The following TGIF1 variants were observed in gnomAD, a reference collection of about 807,000 sequenced individuals.
The protein encoded by TGIF1 is homeobox protein TGIF1.
A neutral mutation model predicts 19.3 loss-of-function variants in TGIF1; 4 were observed. The ratio of observed to expected loss-of-function variants is 0.21; its 90% CI spans 0.10 to 0.47. TGIF1 has a LOEUF of 0.47. TGIF1 is among the 20% of genes least tolerant of loss of function. TGIF1 has a pLI of 0.98. For missense variants in TGIF1, 275 were observed against 341.4 expected, an observed-to-expected ratio of 0.81 and a Z score of 1.53; for synonymous variants, 122 against 129.3, an observed-to-expected ratio of 0.94 and a Z score of 0.38.
rs2082936473 is a variant in TGIF1, at chr18:3,451,610, G to A, written c.16+1105G>A. 2 of 1,070,690 alleles carry A rather than the reference G, an allele frequency of 1.9e-6. No individual in the cohort carries two copies. Among genetic ancestry groups the A allele is most frequent in the East Asian group, 6.1e-5 (1 of 16,308 alleles). The allele number at this position is 1,070,690 out of a possible 1,614,324, so 66.3% of individuals were successfully genotyped here. On this transcript the variant is annotated intron_variant, in intron 1 of 2. Coordinates refer to ENST00000343820, the MANE Select transcript of TGIF1 (RefSeq NM_003244.4). This position sits in a 1 kb window ranked among gnomAD's most constrained non-coding sequence, Gnocchi z 5.4. ...GGAACTCCACATTCTTTCAGACCCG[G>A]CCCGCTGCGGGGCGTTCCTGGGGGG...
upstream of TGIF1, chr18:3,447,651 G>T: frequency 6.8e-7 from 1 of 1,463,724 alleles, no homozygotes; most frequent in African/African-American, 1.4e-5. Context: ...ATCTACGGGA[G>T]CGGTTGGGCT....
At chr18:3,423,167 G>A (rs2082427851) in intron 2 of TGIF1, among the ~76,000 whole-genome samples, 1 of 152,136 alleles carries the variant, frequency 6.6e-6, no homozygotes, top group Non-Finnish European at 1.5e-5. Context: ...GTTTGTCTGA[G>A]TACACGCCTA....
At chr18:3,447,155 GAAGAT>G (rs1045681107), upstream of TGIF1, among the ~76,000 whole-genome samples, 12 of 152,068 alleles carry the variant, frequency 7.9e-5, no homozygotes, top group African/African-American at 2.7e-4. Flanking sequence ...GGCAGCTTCA[GAAGAT>G]AAGACGCCAA....
At position 3,437,698 on chromosome 18, in the gene TGIF1, T is replaced by C. The variant is rs2082632085; in HGVS notation, c.-44-18656T>C. On this transcript the variant is annotated intron_variant, in intron 2 of 3. Transcript: ENST00000401449. Reference sequence around the variant, plus strand: ...GGGTGGTGGTTCAAAGAGATGCTTCTTGGAAACTCAGCAAAATGATGACAG... The same window carrying C: ...GGGTGGTGGTTCAAAGAGATGCTTCCTGGAAACTCAGCAAAATGATGACAG... Among the ~76,000 whole-genome samples the C allele has an allele frequency of 5.3e-5, 8 of 152,214 alleles. No individual in the cohort carries two copies. The South Asian group carries it at 1.7e-3, about 31-fold the overall frequency.
rs181740462 is a variant in TGIF1, at chr18:3,413,489, C to A, written c.-118+1235C>A. On this transcript the variant is annotated intron_variant, in intron 1 of 3. Coordinates refer to the TGIF1 transcript ENST00000401449. Reference sequence around the variant, plus strand: ...AAAATGATAGTTTCCTTTGCTTATTCGAGTTGTTATTTTTCTCTGAGTAGA... The same window carrying A: ...AAAATGATAGTTTCCTTTGCTTATTAGAGTTGTTATTTTTCTCTGAGTAGA... Among the ~76,000 whole-genome samples the A allele has an allele frequency of 3.8e-3, 576 of 152,194 alleles. 2 individuals carry two copies. The highest frequency in any genetic ancestry group is 0.014 in the Middle Eastern group (4 of 294).
At chr18:3,425,766 A>G (rs1464343729) in intron 2 of TGIF1, among the ~76,000 whole-genome samples, 1 of 152,024 alleles carries the variant, frequency 6.6e-6, no homozygotes, top group African/African-American at 2.4e-5. Context: ...TTGGGTGATG[A>G]CTGTCTCCTG....
At chr18:3,436,217 T>C (rs2082612592) in intron 2 of TGIF1, among the ~76,000 whole-genome samples, 1 of 152,222 alleles carries the variant, frequency 6.6e-6, no homozygotes, top group South Asian at 2.1e-4. Flanking sequence ...GCAACTTTTT[T>C]TATTAACTTA....
At chr18:3,427,660 C>T (rs12962006) in intron 2 of TGIF1, among the ~76,000 whole-genome samples, 15,091 of 149,978 alleles carry the variant, frequency 0.1, 942 homozygotes, top group Middle Eastern at 0.14. Context: ...AGTGCAGTGA[C>T]GGGCTCTCAG....
chr18:3,443,410 C>T (rs1293220289), intron 2 of TGIF1, among the ~76,000 whole-genome samples: 3 of 145,464 alleles, frequency 2.1e-5, no homozygotes, highest in Non-Finnish European at 4.6e-5. Context: ...GATAATAATA[C>T]TTTTTTTTTT....
At chr18:3,432,765 GTT>G (rs1170496965) in intron 2 of TGIF1, among the ~76,000 whole-genome samples, 1 of 146,080 alleles carries the variant, frequency 6.8e-6, no homozygotes, top group African/African-American at 2.5e-5. Flanking sequence ...TTTTTTGTTT[GTT>G]TTTTTTTTTG....
At chr18:3,429,051 T>C (rs377449233) in intron 2 of TGIF1, among the ~76,000 whole-genome samples, 31 of 151,460 alleles carry the variant, frequency 2.0e-4, no homozygotes, top group East Asian at 1.9e-3. Context: ...AGACTCCGTC[T>C]CCAAAAAAAA....
chr18:3,453,674 G>T (rs1319352737), intron 1 of TGIF1: 1 of 463,824 alleles, frequency 2.2e-6, no homozygotes, highest in Non-Finnish European at 2.7e-6. Flanking sequence ...TGACAAGAGC[G>T]AAACTCTGTC....
At position 3,450,644 on chromosome 18, in the gene TGIF1, T is replaced by C. The variant is rs929029140; in HGVS notation, c.16+139T>C. 1.1e-5 allele frequency: 17 copies of C among 1,509,812 alleles called. No individual in the cohort carries two copies. In the South Asian group the frequency reaches 1.9e-4, roughly 17 times the overall value. 93.5% of individuals were successfully genotyped at this position (1,509,812 alleles called of 1,614,324 possible). ...CTGGAGTGGCGGCCGTGCTCTTTGT[T>C]GAGGCTGCGTCTGAAACGGCAGCGG... On this transcript the variant is annotated intron_variant, in intron 1 of 2. Transcript: ENST00000343820.
intron 2 of TGIF1, among the ~76,000 whole-genome samples, chr18:3,422,367 A>G (rs1211329706): frequency 6.6e-6 from 1 of 150,486 alleles, no homozygotes; most frequent in Non-Finnish European, 1.5e-5. Context: ...GAACGAATAC[A>G]TTTTCATAGA....
At chr18:3,433,586 A>G (rs964971065) in intron 2 of TGIF1, among the ~76,000 whole-genome samples, 1 of 152,206 alleles carries the variant, frequency 6.6e-6, no homozygotes, top group Non-Finnish European at 1.5e-5. Context: ...GAAAGCCTCC[A>G]TGTTAGAATG....
chr18:3,424,495 T>C (rs1312245029), intron 2 of TGIF1, among the ~76,000 whole-genome samples: 1 of 152,078 alleles, frequency 6.6e-6, no homozygotes, highest in Non-Finnish European at 1.5e-5. Context: ...TCCTGTGATA[T>C]TGTGAAATAC....
chr18:3,456,530 G>C lies in TGIF1; in HGVS notation c.193G>C (p.Glu65Gln), dbSNP rs1479267151. 1 of 1,614,266 alleles carries C rather than the reference G, an allele frequency of 6.2e-7. No homozygotes were observed. The highest frequency in any genetic ancestry group is 1.7e-5 in the Admixed American group (1 of 60,030). Residue 65 changes from glutamate to glutamine, a missense_variant, in exon 2 of 3, where the codon GAG becomes CAG. Physicochemically the swap from Glu to Gln is conservative, Grantham distance 29 (BLOSUM62 2). Transcript: ENST00000343820. This position sits in a 1 kb window ranked among gnomAD's most constrained non-coding sequence, Gnocchi z 4.2. ...GCACCGTTACAATGCCTATCCTTCA[G>C]AGCAAGAAAAAGCGTTGCTGTCCCA... ...YEHRYNAYPSEQEKALLSQQT... is the reference protein window; with the variant it reads ...YEHRYNAYPSQQEKALLSQQT...
chr18:3,443,543 C>G (rs568107868), intron 2 of TGIF1, among the ~76,000 whole-genome samples: 2 of 152,088 alleles, frequency 1.3e-5, no homozygotes, highest in South Asian at 2.1e-4. Flanking sequence ...GTGTATACCA[C>G]GAAGCCCAGC....
chr18:3,414,903 T>G (rs1483961509), intron 1 of TGIF1, among the ~76,000 whole-genome samples: 1 of 152,132 alleles, frequency 6.6e-6, no homozygotes, highest in Non-Finnish European at 1.5e-5. Flanking sequence ...AATAAAAATA[T>G]TGAAAGACCC....
Sources: gnomAD v4.1 joint callset for allele counts (sites outside exome capture counted in the v4.1 genomes callset) on GRCh38, gnomAD v4.1.1 for gene constraint, Gnocchi (gnomAD v3.1) non-coding constraint, MANE v1.5 for transcripts, NCBI Gene and HGNC (gene_info 2026-07-23, HGNC 2026-07-21) for gene names.